The following FAT1 variants were observed in gnomAD, a reference collection of about 807,000 sequenced individuals.
FAT1 encodes the protein protocadherin Fat 1.
FAT1 carries 171 observed loss-of-function variants against 329.8 expected under a neutral mutation model. That is an observed-to-expected ratio of 0.52 (90% CI 0.46 to 0.59). The LOEUF (loss-of-function observed/expected upper bound fraction) is 0.59, where lower values mean the gene tolerates loss of function less well. FAT1 is among the 20% of genes least tolerant of loss of function. FAT1 has a pLI of 0.00. For missense variants in FAT1, 5,672 were observed against 5,774.4 expected (o/e 0.98, Z 0.57); for synonymous variants, 2,233 against 2,228.6 (o/e 1.00, Z -0.06).
chr4:186,651,161 TTAA>T (rs1439825991), intron 3 of FAT1, among the ~76,000 whole-genome samples: 131 of 150,072 alleles, frequency 8.7e-4, no homozygotes, highest in African/African-American at 2.8e-3. Flanking sequence ...AATAAATTTA[TTAA>T]TAATAAATTA....
upstream of FAT1, among the ~76,000 whole-genome samples, chr4:186,724,992 A>G (rs1745671117): frequency 6.6e-6 from 1 of 152,204 alleles, no homozygotes; most frequent in African/African-American, 2.4e-5. The surrounding 1 kb of genome is among the most constrained non-coding windows in gnomAD (Gnocchi z 5.3). Context: ...CGGAAAAAAT[A>G]ATAATAATAA....
chr4:186,640,309 A>C (rs1435037838), intron 3 of FAT1, among the ~76,000 whole-genome samples: 1 of 152,222 alleles, frequency 6.6e-6, no homozygotes, highest in Non-Finnish European at 1.5e-5. Context: ...GATAAATGAC[A>C]AATAGTAAGA....
In FAT1 at chr4:186,636,819, C is replaced by T. The variant is rs1378870759; in HGVS notation, c.3738G>A (p.Leu1246=). 6.2e-7 allele frequency: 1 copy of T among 1,613,966 alleles called. No homozygotes were observed. The highest frequency in any genetic ancestry group is 2.2e-5 in the East Asian group (1 of 44,886). The change falls in exon 5 of 27, where the codon CTG becomes CTA. Residue 1246 remains leucine, a synonymous_variant. Transcript: ENST00000441802. ...LDENDNKPQF[L]QKFYKIRLPE... Reference sequence around the variant, plus strand: ...GGAGTCTGATTTTGTAGAACTTTTGCAGAAACTGAGGTTTGTTGTCATTTT... The same window carrying T: ...GGAGTCTGATTTTGTAGAACTTTTGTAGAAACTGAGGTTTGTTGTCATTTT...
At chr4:186,679,426 A>C (rs1484643301) in intron 2 of FAT1, among the ~76,000 whole-genome samples, 1 of 146,384 alleles carries the variant, frequency 6.8e-6, no homozygotes, top group Non-Finnish European at 1.5e-5. Context: ...CAAAAAAAAA[A>C]AAAAAAAAAA....
rs1205448520 is a variant in FAT1, at chr4:186,646,002, CACAT to C, written c.3581-6223_3581-6220del. On this transcript the variant is annotated intron_variant, in intron 3 of 26. Transcript: ENST00000441802. ...ACACACACACACACACACACACACA[CACAT>C]GAAAGATGGCAGCTAGAAAAGGAAA... Among the ~76,000 whole-genome samples the C allele has an allele frequency of 2.5e-4, 36 of 145,602 alleles. 1 individual carries two copies. In the East Asian group the frequency reaches 3.2e-3, roughly 13 times the overall value.
In FAT1 at chr4:186,703,221, C is replaced by T. The variant is rs116635646; in HGVS notation, c.3265+3342G>A. On this transcript the variant is annotated intron_variant, in intron 2 of 26. Transcript: ENST00000441802. ...CACTACGCTTTCTCTCGCTGCAAAG[C>T]CATTTGCAGAACATGTACAAACCAC... is the stretch of plus-strand genomic sequence containing the variant. Among the ~76,000 whole-genome samples the T allele has an allele frequency of 1.9e-3, 292 of 152,314 alleles. 1 individual carries two copies. Among genetic ancestry groups the T allele is most frequent in the African/African-American group, 6.9e-3 (288 of 41,570 alleles).
In FAT1 at chr4:186,636,677, C is replaced by T. The variant is rs1740832673; in HGVS notation, c.3880G>A (p.Gly1294Arg). Residue 1294 changes from glycine to arginine, a missense_variant, in exon 5 of 27, where the codon GGG becomes AGG. Around this residue, in one of 2 missense-constraint regions of FAT1, gnomAD observed 3,966 missense variants for 3,915.2 expected, o/e 1.01. Transcript: ENST00000441802. ...ATGAAAAATTTGCCATGCTCATTCC[C>T]GTCTTCGATGCTGTAGGAGATTTCT... ...NAEISYSIEDGNEHGKFFIEP... is the reference protein window; with the variant it reads ...NAEISYSIEDRNEHGKFFIEP... The T allele has an allele frequency of 4.3e-6, 7 of 1,613,898 alleles. No homozygotes were observed. The highest frequency in any genetic ancestry group is 2.2e-5 in the East Asian group (1 of 44,876).
chr4:186,679,136 T>C (rs905634329), intron 2 of FAT1, among the ~76,000 whole-genome samples: 2 of 152,132 alleles, frequency 1.3e-5, no homozygotes, highest in Non-Finnish European at 2.9e-5. Context: ...ATCCCAGCAC[T>C]ATGGGAGGCC....
In FAT1 at chr4:186,663,370, G is replaced by C. The variant is rs371498445; in HGVS notation, c.3509C>G (p.Ser1170Cys). 7.1e-5 allele frequency: 114 copies of C among 1,613,804 alleles called. No individual in the cohort carries two copies. Among genetic ancestry groups the C allele is most frequent in the Non-Finnish European group, 8.9e-5 (105 of 1,179,884 alleles). ...AATTTTGTACATGAGCTTGTCATTA[G>C]AGCTCGAATCTGGATCAAATGCCTC... The part of the protein sequence containing the change: ...QIEAFDPDSS[S>C]NDKLMYKITS... Residue 1170 changes from serine (S) to cysteine (C), a missense_variant, in exon 3 of 27, where the codon TCT (serine) becomes TGT (cysteine). By Grantham distance (112) the Ser-to-Cys change is moderately radical. Transcript: ENST00000441802.
At position 186,619,736 on chromosome 4, in the gene FAT1, C is replaced by A; in HGVS notation, c.6850G>T (p.Ala2284Ser). Reference protein sequence around the residue: ...DDINDNPPVFAQQSYAVTLSE... With the variant: ...DDINDNPPVFSQQSYAVTLSE... ...AGGGTCACCGCATAAGACTGCTGAG[C>A]AAACACAGGAGGGTTATCATTGATG... Residue 2284 changes from alanine to serine, a missense_variant, in exon 10 of 27, where the codon GCT becomes TCT. Physicochemically the swap from Ala to Ser is moderately conservative, Grantham distance 99. Transcript: ENST00000441802. 1.2e-6 allele frequency: 2 copies of A among 1,614,010 alleles called. No homozygotes were observed. The highest frequency in any genetic ancestry group is 1.7e-6 in the Non-Finnish European group (2 of 1,179,890).
rs1379849937 is a variant in FAT1, at chr4:186,618,504, A to C, written c.8082T>G (p.Leu2694=). 1 of 1,613,934 alleles carries C rather than the reference A, an allele frequency of 6.2e-7. No homozygotes were observed. The highest frequency in any genetic ancestry group is 2.2e-5 in the East Asian group (1 of 44,890). ...ESVVLVYVKI[L]PPEMQLPKFS... ...ATTTTGGAAGCTGCATTTCCGGTGG[A>C]AGGATTTTAACATAGACAAGAACAA... Residue 2694 remains leucine (L), a synonymous_variant, in exon 10 of 27, where the codon CTT becomes CTG. Coordinates refer to ENST00000441802, the MANE Select transcript of FAT1 (RefSeq NM_005245.4).
intron 2 of FAT1, among the ~76,000 whole-genome samples, chr4:186,669,797 C>T (rs1208889722): frequency 6.6e-6 from 1 of 152,172 alleles, no homozygotes; most frequent in Non-Finnish European, 1.5e-5. Context: ...CTTAACTAAA[C>T]GGATACTGAC....
At chr4:186,595,912 C>T in intron 25 of FAT1, 86 bp from the exon 26 acceptor site, 1 of 1,355,266 alleles carries the variant, frequency 7.4e-7, no homozygotes, top group Non-Finnish European at 1.0e-6. Flanking sequence ...ATGCATTACC[C>T]AACGATGGCC....
intron 2 of FAT1, among the ~76,000 whole-genome samples, chr4:186,664,353 C>T (rs569840415): frequency 6.6e-6 from 1 of 152,258 alleles, no homozygotes; most frequent in South Asian, 2.1e-4. Context: ...CTATAAACTC[C>T]AAAAGGGCAG....
intron 9 of FAT1, 49 bp downstream of exon 9, chr4:186,628,105 A>T (rs1433661378): frequency 6.4e-7 from 1 of 1,571,478 alleles, no homozygotes; most frequent in Non-Finnish European, 8.7e-7. Context: ...GTAGAAACAG[A>T]CTTTTAACAA....
chr4:186,694,569 T>C (rs1392968292), intron 2 of FAT1, among the ~76,000 whole-genome samples: 1 of 152,206 alleles, frequency 6.6e-6, no homozygotes, highest in African/African-American at 2.4e-5. Context: ...AAGAGTCTGG[T>C]AACTAACTAA....
At position 186,633,776 on chromosome 4, in the gene FAT1, T is replaced by G; in HGVS notation, c.4231A>C (p.Ile1411Leu). Residue 1411 changes from isoleucine to leucine, a missense_variant, in exon 7 of 27, where the codon ATC becomes CTC. Ile to Leu is a conservative substitution (Grantham distance 5). Transcript: ENST00000441802. ...HFDVDKGTGT[I>L]IVAKPLDAEQ... ...GCATCAAGAGGTTTGGCAACAATGA[T>G]GGTTCCAGTTCCCTTGTCCACATCG... 3 of 1,614,016 alleles carry G rather than the reference T, an allele frequency of 1.9e-6. No individual in the cohort carries two copies. Among genetic ancestry groups the G allele is most frequent in the Non-Finnish European group, 2.5e-6 (3 of 1,179,880 alleles).
At chr4:186,593,167 CA>C (rs202084036) in intron 26 of FAT1, among the ~76,000 whole-genome samples, 1 of 151,830 alleles carries the variant, frequency 6.6e-6, no homozygotes, top group Admixed American at 6.6e-5. Context: ...CATTGTCCCC[CA>C]AAAAAAAGAA....
chr4:186,646,203 ACAC>A (rs796756450), intron 3 of FAT1, among the ~76,000 whole-genome samples: 17 of 152,214 alleles, frequency 1.1e-4, no homozygotes, highest in African/African-American at 4.1e-4. Flanking sequence ...TTTACTTGGA[ACAC>A]TTTTCAATTA....
Sources: gnomAD v4.1 joint callset for allele counts (sites outside exome capture counted in the v4.1 genomes callset) on GRCh38, gnomAD v4.1.1 for gene constraint, gnomAD v4.1.1 regional missense constraint, Gnocchi (gnomAD v3.1) non-coding constraint, MANE v1.5 for transcripts, NCBI Gene and HGNC (gene_info 2026-07-23, HGNC 2026-07-21) for gene names.